Variants in SLCO4C1 observed in about 807,000 individuals in gnomAD.
SLCO4C1 encodes the protein organic anion transporter M1.
SLCO4C1 carries 58 observed loss-of-function variants against 72.1 expected under a neutral mutation model. That is an observed-to-expected ratio of 0.80 (90% confidence interval 0.65 to 1.00). The LOEUF (loss-of-function observed/expected upper bound fraction) is 1.00. SLCO4C1 is among the 50% of genes least tolerant of loss of function. The probability of loss-of-function intolerance (pLI) is 0.00; values close to 1 mark genes in which losing one functional copy is unlikely to be tolerated. For missense variants in SLCO4C1, 898 were observed against 857.9 expected, an observed-to-expected ratio of 1.05 and a Z score of -0.58; for synonymous variants, 297 against 312.5, an observed-to-expected ratio of 0.95 and a Z score of 0.52.
intron 3 of SLCO4C1, among the ~76,000 whole-genome samples, chr5:102,264,448 T>G (rs1748997906): frequency 6.6e-6 from 1 of 152,100 alleles, no homozygotes; most frequent in Non-Finnish European, 1.5e-5. Context: ...CCAAGTATTT[T>G]GGGGAGTCAG....
chr5:102,240,443 GT>G (rs1427801170), intron 11 of SLCO4C1, among the ~76,000 whole-genome samples: 1 of 152,058 alleles, frequency 6.6e-6, no homozygotes, highest in African/African-American at 2.4e-5. Context: ...GAAATTATGT[GT>G]TGATGATCAT....
At chr5:102,241,335 A>G (rs943158812) in intron 10 of SLCO4C1, among the ~76,000 whole-genome samples, 1 of 152,156 alleles carries the variant, frequency 6.6e-6, no homozygotes, top group Non-Finnish European at 1.5e-5. Context: ...TGAAGATGAC[A>G]TGGTCATATA....
intron 8 of SLCO4C1, among the ~76,000 whole-genome samples, chr5:102,250,193 G>A (rs1314687681): frequency 6.6e-6 from 1 of 152,094 alleles, no homozygotes; most frequent in African/African-American, 2.4e-5. Context: ...AATATGTCCA[G>A]GATGCAGACA....
rs1223693403 is a variant in SLCO4C1 at position 102,261,983 on chromosome 5, C to G, written c.950G>C (p.Gly317Ala). The G allele has an allele frequency of 6.2e-7, 1 of 1,612,776 alleles. No homozygotes were observed. The highest frequency in any genetic ancestry group is 8.5e-7 in the Non-Finnish European group (1 of 1,179,344). Residue 317 changes from glycine (G) to alanine (A), a missense_variant, in exon 5 of 13, where the codon GGG becomes GCG. Physicochemically the swap from Gly to Ala is moderately conservative, Grantham distance 60. Coordinates refer to ENST00000310954, the MANE Select transcript of SLCO4C1 (RefSeq NM_180991.5). The part of the protein sequence containing the change: ...DPRWLGAWWI[G>A]FLLSWIFAWS... ...AGCAAAGATCCATGATAGAAGAAAC[C>G]CAATCCACCAAGCTCCCAACCATCG...
chr5:102,247,620 T>C (rs1399859981), intron 9 of SLCO4C1, among the ~76,000 whole-genome samples, 178 bp from the exon 10 acceptor site: 6 of 152,176 alleles, frequency 3.9e-5, no homozygotes, highest in Non-Finnish European at 7.4e-5. Context: ...AAACCATATT[T>C]ATGATGTGGA....
chr5:102,260,980 T>C (rs1309260110), intron 5 of SLCO4C1, among the ~76,000 whole-genome samples: 1 of 152,180 alleles, frequency 6.6e-6, no homozygotes, highest in Non-Finnish European at 1.5e-5. Flanking sequence ...CAAATAACAA[T>C]GTAAACAACT....
rs1748400552 is a variant in SLCO4C1 at position 102,234,604 on chromosome 5, G to A, written c.*2254C>T. 6.6e-6 allele frequency: 1 copy of A among 152,078 alleles called. No homozygotes were observed. Among genetic ancestry groups the A allele is most frequent in the South Asian group, 2.1e-4 (1 of 4,830 alleles). The allele number at this position is 152,078 out of a possible 1,614,324, so 9.4% of individuals were successfully genotyped here. A position where few individuals can be genotyped will look rare whatever the true frequency, so the allele number is the denominator to read the frequency against. On this transcript the variant is annotated 3_prime_UTR_variant, in exon 13 of 13. Coordinates refer to ENST00000310954, the MANE Select transcript of SLCO4C1 (RefSeq NM_180991.5). ...GACCTGTTTATCAAACTATTTCTAT[G>A]GATGGGTTGATTTTTTTTCTTCCTC...
chr5:102,255,478 T>C (rs935198975), intron 8 of SLCO4C1, among the ~76,000 whole-genome samples: 6 of 152,118 alleles, frequency 3.9e-5, no homozygotes, highest in African/African-American at 1.4e-4. Flanking sequence ...GGGGTGAAAG[T>C]CAGGTCTACA....
At chr5:102,267,158 C>T (rs1054613339) in intron 3 of SLCO4C1, among the ~76,000 whole-genome samples, 1 of 152,210 alleles carries the variant, frequency 6.6e-6, no homozygotes, top group East Asian at 1.9e-4. Context: ...AGGAAGAATT[C>T]TCTCCTCTTC....
At chr5:102,264,180 T>C (rs992595853) in intron 3 of SLCO4C1, among the ~76,000 whole-genome samples, 32 of 152,244 alleles carry the variant, frequency 2.1e-4, no homozygotes, top group African/African-American at 7.5e-4. Flanking sequence ...GACAGAATTT[T>C]GTATTTTGCA....
At chr5:102,284,551 A>G (rs139211187) in intron 2 of SLCO4C1, among the ~76,000 whole-genome samples, 142 of 152,244 alleles carry the variant, frequency 9.3e-4, no homozygotes, top group African/African-American at 2.9e-3. Flanking sequence ...CATCAACTCT[A>G]CATATCATAC....
chr5:102,263,622 A>C, intron 4 of SLCO4C1, 62 bp downstream of exon 4: 1 of 1,361,790 alleles, frequency 7.3e-7, no homozygotes, highest in South Asian at 1.2e-5. Flanking sequence ...TGTTCTGTCT[A>C]TGATGCTGGC....
At chr5:102,242,190 C>A (rs1748555835) in intron 10 of SLCO4C1, among the ~76,000 whole-genome samples, 1 of 152,232 alleles carries the variant, frequency 6.6e-6, no homozygotes, top group Admixed American at 6.5e-5. Flanking sequence ...GCAGTCCAAA[C>A]TTGAGTGCTT....
At chr5:102,253,633 C>G (rs1417893812) in intron 8 of SLCO4C1, among the ~76,000 whole-genome samples, 1 of 151,918 alleles carries the variant, frequency 6.6e-6, no homozygotes, top group Non-Finnish European at 1.5e-5. Context: ...ATGGTGAAAC[C>G]CTGTCTCTAC....
chr5:102,295,677 T>A (rs1749636069), intron 1 of SLCO4C1, among the ~76,000 whole-genome samples: 1 of 152,240 alleles, frequency 6.6e-6, no homozygotes, highest in African/African-American at 2.4e-5. Context: ...AAAAGGCTTG[T>A]ATTGCAAGTT....
chr5:102,291,158 G>A (rs541428737), intron 2 of SLCO4C1, among the ~76,000 whole-genome samples, 185 bp downstream of exon 2: 2 of 152,154 alleles, frequency 1.3e-5, no homozygotes, highest in Non-Finnish European at 2.9e-5. Context: ...CCACTGAAAC[G>A]ATGAATAATG....
In SLCO4C1 at chr5:102,296,177, T is replaced by G. The variant is rs1188110804; in HGVS notation, c.86A>C (p.Gln29Pro). The change falls in exon 1 of 13, where the codon CAA becomes CCA. Residue 29 changes from glutamine to proline, a missense_variant. By Grantham distance (76) the Gln-to-Pro change is moderately conservative (BLOSUM62 -1). Transcript: ENST00000310954. The stretch of plus-strand genomic sequence containing the variant: ...AGAGGACAAGGCAGAGACTTCGATT[T>G]GGGAGGGCGACGCAGACAAGCGGCG... The part of the protein sequence containing the change: ...ILRRLSASPS[Q>P]IEVSALSSDP... The G allele has an allele frequency of 1.2e-6, 2 of 1,609,224 alleles. No homozygotes were observed. The highest frequency in any genetic ancestry group is 2.2e-5 in the South Asian group (2 of 90,790).
rs766988308 is a variant in SLCO4C1 at position 102,262,052 on chromosome 5, A to G, written c.900-19T>C. The G allele has an allele frequency of 6.3e-6, 10 of 1,591,668 alleles. No individual in the cohort carries two copies. The highest frequency in any genetic ancestry group is 1.2e-5 in the South Asian group (1 of 86,708). On this transcript the variant is annotated intron_variant, in intron 4 of 12. Coordinates refer to ENST00000310954, the MANE Select transcript of SLCO4C1 (RefSeq NM_180991.5). ...ATCAGTGCTATATGATAGAAAAACA[A>G]GAGGTAAAAGTCAACTCTACCTTAT... is the stretch of plus-strand genomic sequence containing the variant.
In SLCO4C1 at chr5:102,240,739, A is replaced by G. The variant is rs747666210; in HGVS notation, c.1855T>C (p.Phe619Leu). Residue 619 changes from phenylalanine (F) to leucine (L), a missense_variant, in exon 11 of 13, where the codon TTT (phenylalanine) becomes CTT (leucine). Coordinates refer to ENST00000310954, the MANE Select transcript of SLCO4C1 (RefSeq NM_180991.5). ...ATACCTAATAATCGAAGGACCATAA[A>G]TTGTATTCCCAAGGCTAGGGACCGT... ...RQRSLALGIQ[F>L]MVLRLLGTIP... 3 of 1,612,068 alleles carry G rather than the reference A, an allele frequency of 1.9e-6. No homozygotes were observed. Among genetic ancestry groups the G allele is most frequent in the Non-Finnish European group, 2.5e-6 (3 of 1,178,696 alleles).
Sources: allele counts gnomAD v4.1 joint callset (sites outside exome capture counted in the v4.1 genomes callset), GRCh38; gene constraint gnomAD v4.1.1; transcripts MANE v1.5; gene names NCBI Gene and HGNC (gene_info 2026-07-23, HGNC 2026-07-21).